Variants in ATG4A observed in about 807,000 individuals in gnomAD.
ATG4A encodes autophagy related 4A cysteine peptidase.
Under a neutral mutation model 38.4 loss-of-function variants are expected in ATG4A, and 22 were observed. That is an observed-to-expected ratio of 0.57 (90% CI 0.41 to 0.82). ATG4A has a LOEUF of 0.82. ATG4A is among the 40% of genes least tolerant of loss of function. The pLI is 0.00. For missense variants in ATG4A, 220 were observed against 290.0 expected (o/e 0.76, Z 1.75); for synonymous variants, 86 against 100.7 (o/e 0.85, Z 0.88).
chrX:108,148,311 G>A (rs2033488286), intron 9 of ATG4A, among the ~76,000 whole-genome samples: 1 of 106,625 alleles, frequency 9.4e-6, no homozygotes, highest in Non-Finnish European at 1.9e-5. Flanking sequence ...TGCCCACCCA[G>A]ATTAAGGACC....
In ATG4A at chrX:108,091,865, T is replaced by A. The variant is rs758872802; in HGVS notation, c.10+29T>A. ...CGGGGAGCGGCTTTGAGTGGAACCG[T>A]GTGAAAGAGCCGGGGTGGGTAGTCG... On this transcript the variant is annotated intron_variant, in intron 1 of 12. Transcript: ENST00000372232. 3.3e-6 allele frequency: 4 copies of A among 1,209,853 alleles called. No individual in the cohort carries two copies. In the South Asian group the frequency reaches 7.1e-5, roughly 21 times the overall value.
rs538079901 is a variant in ATG4A at position 108,096,498 on chromosome X, G to A, written c.10+4662G>A. Among the ~76,000 whole-genome samples the A allele has an allele frequency of 8.0e-5, 9 of 111,806 alleles. No individual in the cohort carries two copies. The South Asian group carries it at 3.3e-3, about 41-fold the overall frequency. ...GGAGGTACAGTATCCCTGTGTTGTGGTATTCACAAAGTATTGGGTATAGTG... is the reference window on the plus strand; with the variant it reads ...GGAGGTACAGTATCCCTGTGTTGTGATATTCACAAAGTATTGGGTATAGTG... On this transcript the variant is annotated intron_variant, in intron 1 of 12. Coordinates refer to ENST00000372232, the MANE Select transcript of ATG4A (RefSeq NM_052936.5).
intron 1 of ATG4A, among the ~76,000 whole-genome samples, chrX:108,122,636 C>T (rs1439028088): frequency 9.0e-6 from 1 of 111,709 alleles, no homozygotes; most frequent in Non-Finnish European, 1.9e-5. Context: ...TTCGATCTGT[C>T]TGGAGTTCCC....
chrX:108,098,771 T>A (rs1159474140), intron 1 of ATG4A, among the ~76,000 whole-genome samples: 2 of 112,119 alleles, frequency 1.8e-5, no homozygotes, highest in Non-Finnish European at 3.8e-5. Context: ...TCCACTATTT[T>A]TCACTCAGCA....
rs1180119732 is a variant in ATG4A at position 108,144,961 on chromosome X, G to A, written c.815-5191G>A. On this transcript the variant is annotated intron_variant, in intron 9 of 12. Coordinates refer to ENST00000372232, the MANE Select transcript of ATG4A (RefSeq NM_052936.5). The stretch of plus-strand genomic sequence containing the variant: ...GGGTCAGAGTAACACACCCAAATGA[G>A]GAATGTGTTGCCTCCAAAATCCAAA... 2.7e-5 allele frequency among the ~76,000 whole-genome samples: 3 copies of A among 112,137 alleles called. No individual in the cohort carries two copies. The South Asian group carries it at 1.1e-3, about 42-fold the overall frequency.
chrX:108,134,788 G>A (rs191504176), intron 6 of ATG4A, among the ~76,000 whole-genome samples: 194 of 111,816 alleles, frequency 1.7e-3, no homozygotes, highest in African/African-American at 6.1e-3. Flanking sequence ...GACCCCCACA[G>A]GGCTCCCACA....
rs776237838 is a variant in ATG4A at position 108,137,984 on chromosome X, C to G, written c.728C>G (p.Ala243Gly). 2.0e-5 allele frequency: 24 copies of G among 1,197,842 alleles called. No individual in the cohort carries two copies. In the South Asian group the frequency reaches 4.4e-4, roughly 22 times the overall value. Residue 243 changes from alanine (A) to glycine (G), a missense_variant, in exon 8 of 13, where the codon GCA becomes GGA. Coordinates refer to ENST00000372232, the MANE Select transcript of ATG4A (RefSeq NM_052936.5). ...CAAATCAATCCTGTCTATGTTGATG[C>G]ATTCAAAGTAAGTCACTTCTTTCCC... is the stretch of plus-strand genomic sequence containing the variant. ...INQINPVYVD[A>G]FKECFKMPQS...
chrX:108,150,354 T>C (rs1009164214), intron 10 of ATG4A, 57 bp downstream of exon 10: 8 of 1,183,898 alleles, frequency 6.8e-6, no homozygotes, highest in Admixed American at 2.2e-5. Flanking sequence ...ATTGGTTCCC[T>C]GGGAGTTATC....
intron 1 of ATG4A, among the ~76,000 whole-genome samples, chrX:108,101,516 C>T (rs1300239377): frequency 9.2e-6 from 1 of 108,941 alleles, no homozygotes; most frequent in African/African-American, 3.3e-5. Flanking sequence ...TAAGTTAAGC[C>T]TTTAGTGCAA....
chrX:108,122,193 ATTTG>A (rs748456826), intron 1 of ATG4A, among the ~76,000 whole-genome samples: 166 of 112,275 alleles, frequency 1.5e-3, no homozygotes, highest in Non-Finnish European at 2.6e-3. Flanking sequence ...CTGTCAGAAA[ATTTG>A]TTTTTCAAAG....
chrX:108,130,347 A>G (rs987153107), intron 3 of ATG4A, among the ~76,000 whole-genome samples: 16 of 112,371 alleles, frequency 1.4e-4, no homozygotes, highest in African/African-American at 4.8e-4. Context: ...CCTCTCTGCC[A>G]TACAAGTTAT....
chrX:108,096,024 C>A (rs2031807264), intron 1 of ATG4A, among the ~76,000 whole-genome samples: 1 of 112,352 alleles, frequency 8.9e-6, no homozygotes, highest in South Asian at 3.7e-4. Context: ...TTCTCCATAT[C>A]TTTACCAATA....
rs1038862996 is a variant in ATG4A, at chrX:108,154,372, C to A, written c.*660C>A. 12 of 112,426 alleles carry A rather than the reference C, an allele frequency of 1.1e-4. No homozygotes were observed. Among genetic ancestry groups the A allele is most frequent in the African/African-American group, 3.9e-4 (12 of 30,971 alleles). The allele number at this position is 112,426 out of a possible 1,213,427, so 9.3% of individuals were successfully genotyped here. A position where few individuals can be genotyped will look rare whatever the true frequency, so the allele number is the denominator to read the frequency against. On this transcript the variant is annotated 3_prime_UTR_variant, in exon 13 of 13. Transcript: ENST00000372232. ...GTCAGATATCACCCTGTCCTTAAAT[C>A]ATGATCACTTAAATCAGGGGTCAGC...
intron 1 of ATG4A, among the ~76,000 whole-genome samples, chrX:108,118,340 T>C (rs1303444972): frequency 9.0e-6 from 1 of 111,679 alleles, no homozygotes; most frequent in Non-Finnish European, 1.9e-5. Flanking sequence ...GCTTTTTTTT[T>C]CATAACAGCA....
At chrX:108,134,884 A>G (rs2033057350) in intron 6 of ATG4A, among the ~76,000 whole-genome samples, 1 of 112,015 alleles carries the variant, frequency 8.9e-6, no homozygotes, top group African/African-American at 3.2e-5. Flanking sequence ...GCAGAAATAA[A>G]CTTGACACAG....
At chrX:108,088,848 G>A, upstream of ATG4A, 2 of 1,145,749 alleles carry the variant, frequency 1.7e-6, no homozygotes, top group Non-Finnish European at 2.3e-6. Context: ...CAGTTCTGCT[G>A]TCCTACAGAG....
chrX:108,153,786 T>C lies in ATG4A; in HGVS notation c.*74T>C, dbSNP rs1335779165. On this transcript the variant is annotated 3_prime_UTR_variant, in exon 13 of 13. Coordinates refer to ENST00000372232, the MANE Select transcript of ATG4A (RefSeq NM_052936.5). ...AAACATGAACTTATTGCATAAAACT[T>C]TTCTAGTCAGCAAGTGCCTGATATG... 8 of 882,183 alleles carry C rather than the reference T, an allele frequency of 9.1e-6. No homozygotes were observed. The highest frequency in any genetic ancestry group is 1.3e-5 in the Non-Finnish European group (8 of 605,311). 72.7% of individuals were successfully genotyped at this position (882,183 alleles called of 1,213,427 possible). A position where few individuals can be genotyped will look rare whatever the true frequency, so the allele number is the denominator to read the frequency against.
At chrX:108,152,643 T>C (rs2033618497) in intron 11 of ATG4A, among the ~76,000 whole-genome samples, 1 of 112,015 alleles carries the variant, frequency 8.9e-6, no homozygotes, top group Admixed American at 9.5e-5. Context: ...CTAACTGACA[T>C]TTCTTTGGAG....
chrX:108,103,377 A>G (rs1275448152), intron 1 of ATG4A, among the ~76,000 whole-genome samples: 1 of 111,913 alleles, frequency 8.9e-6, no homozygotes, highest in Non-Finnish European at 1.9e-5. Context: ...AGATTAGATG[A>G]CTGTATATGT....
Sources: allele counts gnomAD v4.1 joint callset (sites outside exome capture counted in the v4.1 genomes callset), GRCh38; gene constraint gnomAD v4.1.1; transcripts MANE v1.5; gene names NCBI Gene and HGNC (gene_info 2026-07-23, HGNC 2026-07-21).